ANKRD17: variants seen among roughly 807,000 people sequenced by gnomAD.
The protein encoded by ANKRD17 is ankyrin repeat domain-containing protein 17.
In ANKRD17, 19 loss-of-function variants were observed where a neutral mutation model predicts 229.7. The ratio of observed to expected loss-of-function variants is 0.08; its 90% CI spans 0.06 to 0.12. The LOEUF is 0.12. ANKRD17 is among the 10% of genes least tolerant of loss of function. The pLI is 1.00. For missense variants in ANKRD17, 2,176 were observed against 3,176.8 expected, an observed-to-expected ratio of 0.68 and a Z score of 7.57; for synonymous variants, 1,112 against 1,146.1, an observed-to-expected ratio of 0.97 and a Z score of 0.60.
At chr4:73,098,648 C>G in intron 25 of ANKRD17, 128 bp from the exon 26 acceptor site, 1 of 945,130 alleles carries the variant, frequency 1.1e-6, no homozygotes, top group Non-Finnish European at 1.6e-6. Flanking sequence ...AAGTTATTCT[C>G]ACATTCATCG....
At chr4:73,216,278 GTTTTTAAA>G (rs1741026012) in intron 1 of ANKRD17, among the ~76,000 whole-genome samples, 1 of 151,824 alleles carries the variant, frequency 6.6e-6, no homozygotes, top group Admixed American at 6.6e-5. Context: ...ATATGTAAAT[GTTTTTAAA>G]TTTTTCTTTC....
intron 11 of ANKRD17, among the ~76,000 whole-genome samples, chr4:73,143,829 C>T (rs1265755923): frequency 6.6e-6 from 1 of 152,134 alleles, no homozygotes; most frequent in African/African-American, 2.4e-5. Flanking sequence ...TAATCTTGAA[C>T]TCCTGAGCCC....
In ANKRD17 at chr4:73,078,751, T is replaced by C; in HGVS notation, c.7299A>G (p.Ala2433=). 6.2e-7 allele frequency: 1 copy of C among 1,614,174 alleles called. No individual in the cohort carries two copies. The highest frequency in any genetic ancestry group is 1.7e-5 in the Admixed American group (1 of 60,026). The change falls in exon 31 of 34, where the codon GCA becomes GCG. Residue 2433 remains alanine (A), a synonymous_variant. Coordinates refer to ENST00000358602, the MANE Select transcript of ANKRD17 (RefSeq NM_032217.5). ...CTGACGTTCCAGTTTGCCTGATACG[T>C]GCAGAACGTTCAGTCCCAATAGGGA... The part of the protein sequence containing the change: ...VPVPIGTERS[A]RIRQTGTSAP...
chr4:73,139,447 G>A, intron 15 of ANKRD17, 84 bp downstream of exon 15: 3 of 1,488,330 alleles, frequency 2.0e-6, no homozygotes, highest in Non-Finnish European at 2.7e-6. Context: ...TTCTCAAGTT[G>A]GGTAACGGCA....
chr4:73,101,940 C>CT (rs1041152450), intron 25 of ANKRD17, among the ~76,000 whole-genome samples: 5 of 151,408 alleles, frequency 3.3e-5, no homozygotes, highest in African/African-American at 7.3e-5. Context: ...TTTCTTTTCT[C>CT]TTTTTTTTGA....
At position 73,149,745 on chromosome 4, in the gene ANKRD17, G is replaced by A. The variant is rs763549456; in HGVS notation, c.1330-695C>T. Among the ~76,000 whole-genome samples, 22 of 152,040 alleles carry A rather than the reference G, an allele frequency of 1.4e-4. 1 individual carries two copies. Among genetic ancestry groups the A allele is most frequent in the South Asian group, 4.2e-4 (2 of 4,806 alleles). Reference sequence around the variant, plus strand: ...AGCCAGGCGTGGTGGTGTGCACTTCGTCCCAGCTACTCAAGAGGCTGAGGA... The same window carrying A: ...AGCCAGGCGTGGTGGTGTGCACTTCATCCCAGCTACTCAAGAGGCTGAGGA... On this transcript the variant is annotated intron_variant, in intron 7 of 33. Coordinates refer to ENST00000358602, the MANE Select transcript of ANKRD17 (RefSeq NM_032217.5).
intron 26 of ANKRD17, 135 bp from the exon 27 acceptor site, chr4:73,097,407 T>A: frequency 1.4e-6 from 1 of 715,654 alleles, no homozygotes; most frequent in Non-Finnish European, 2.2e-6. Context: ...TCACTTCTCC[T>A]CATATTTAGC....
chr4:73,159,302 GTC>G (rs912167669), intron 3 of ANKRD17, among the ~76,000 whole-genome samples: 2 of 152,042 alleles, frequency 1.3e-5, no homozygotes, highest in African/African-American at 2.4e-5. Context: ...TTTCAAAGTA[GTC>G]TCTCTCTGTC....
At chr4:73,191,385 GTA>G (rs1491166877) in intron 1 of ANKRD17, among the ~76,000 whole-genome samples, 176 of 150,194 alleles carry the variant, frequency 1.2e-3, no homozygotes, top group Admixed American at 3.1e-3. Flanking sequence ...GTGTGTGTGT[GTA>G]TCTCCAGATG....
At chr4:73,172,681 G>A (rs747273900) in intron 2 of ANKRD17, among the ~76,000 whole-genome samples, 10 of 151,890 alleles carry the variant, frequency 6.6e-5, no homozygotes, top group Non-Finnish European at 1.3e-4. Context: ...TTAAGGTGTC[G>A]AGTCATTGGT....
In ANKRD17 at chr4:73,091,694, T is replaced by C. The variant is rs1712881795; in HGVS notation, c.5934A>G (p.Ser1978=). Residue 1978 remains serine (S), a synonymous_variant, in exon 29 of 34, where the codon TCA becomes TCG. Transcript: ENST00000358602. ...SPTTTTSSSA[S]TVPGTSTNGS... ...CATTTGTAGATGTACCAGGCACCGTTGAAGCTGATGAACTGGTTGTAGTTG... is the reference window on the plus strand; with the variant it reads ...CATTTGTAGATGTACCAGGCACCGTCGAAGCTGATGAACTGGTTGTAGTTG... The C allele has an allele frequency of 6.2e-7, 1 of 1,614,064 alleles. No individual in the cohort carries two copies. Among genetic ancestry groups the C allele is most frequent in the African/African-American group, 1.3e-5 (1 of 74,924 alleles).
rs1745644390 is a variant in ANKRD17, at chr4:73,258,147, G to A, written c.393+129C>T. On this transcript the variant is annotated intron_variant, in intron 1 of 33. Coordinates refer to ENST00000358602, the MANE Select transcript of ANKRD17 (RefSeq NM_032217.5). ...CGATTTAGGCCGAGGGAAGAAAGGG[G>A]GCAGTCGAAAGCCTGGCCCCTAAGA... 3 of 1,488,504 alleles carry A rather than the reference G, an allele frequency of 2.0e-6. No individual in the cohort carries two copies. In the East Asian group the frequency reaches 6.9e-5, roughly 34 times the overall value. The allele number at this position is 1,488,504 out of a possible 1,614,324, so 92.2% of individuals were successfully genotyped here. A position where few individuals can be genotyped will look rare whatever the true frequency, so the allele number is the denominator to read the frequency against.
intron 16 of ANKRD17, among the ~76,000 whole-genome samples, chr4:73,134,468 G>A (rs1006001166): frequency 3.9e-5 from 6 of 152,014 alleles, no homozygotes; most frequent in African/African-American, 9.7e-5. Context: ...GATAAAACAC[G>A]CACTATTCTC....
chr4:73,183,509 A>C (rs970440134), intron 1 of ANKRD17, among the ~76,000 whole-genome samples: 2 of 152,030 alleles, frequency 1.3e-5, no homozygotes, highest in South Asian at 2.1e-4. Flanking sequence ...GCTGGAGTGC[A>C]GTGGCAGAAT....
In ANKRD17 at chr4:73,141,674, T is replaced by A. The variant is rs879200249; in HGVS notation, c.2332+67A>T. On this transcript the variant is annotated intron_variant, in intron 14 of 33. Transcript: ENST00000358602. ...AAACTTCTTTGTTTGTAGAAATGTC[T>A]ATTTTTTGGTAATCTTATTTTTACC... The A allele has an allele frequency of 2.8e-6, 4 of 1,431,044 alleles. No individual in the cohort carries two copies. The South Asian group carries it at 3.5e-5, about 13-fold the overall frequency. The allele number at this position is 1,431,044 out of a possible 1,614,324, so 88.6% of individuals were successfully genotyped here.
At chr4:73,257,814 C>A (rs1745593665) in intron 1 of ANKRD17, among the ~76,000 whole-genome samples, 1 of 152,100 alleles carries the variant, frequency 6.6e-6, no homozygotes, top group Non-Finnish European at 1.5e-5. Flanking sequence ...CCCCCTCAAA[C>A]TGCTCCCCTC....
intron 30 of ANKRD17, among the ~76,000 whole-genome samples, chr4:73,081,586 C>T (rs1299861276): frequency 6.6e-6 from 1 of 152,046 alleles, no homozygotes; most frequent in Non-Finnish European, 1.5e-5. Context: ...TTAAAAACAT[C>T]AGCTTATATA....
At chr4:73,080,117 C>G (rs1056612412) in intron 30 of ANKRD17, among the ~76,000 whole-genome samples, 39 of 151,968 alleles carry the variant, frequency 2.6e-4, no homozygotes, top group African/African-American at 8.9e-4. Flanking sequence ...CCCCCTCCCC[C>G]TCCCAAAAAA....
rs746461793 is a variant in ANKRD17, at chr4:73,139,759, T to A, written c.2857A>T (p.Ile953Phe). 4 of 1,614,166 alleles carry A rather than the reference T, an allele frequency of 2.5e-6. No individual in the cohort carries two copies. Among genetic ancestry groups the A allele is most frequent in the Non-Finnish European group, 3.4e-6 (4 of 1,180,016 alleles). ...GCTTGAGGCATCGCCAGAGGCTGGA[T>A]TGGCGCAAAACCCATCTGAGCAGCA... ...QTAAQMGFAP[I>F]QPLAMPQALP... is the part of the protein sequence containing the mutation. Residue 953 changes from isoleucine (I) to phenylalanine (F), a missense_variant, in exon 15 of 34, where the codon ATC (isoleucine) becomes TTC (phenylalanine). Transcript: ENST00000358602.
Sources: gnomAD v4.1 joint callset for allele counts (sites outside exome capture counted in the v4.1 genomes callset) on GRCh38, gnomAD v4.1.1 for gene constraint, MANE v1.5 for transcripts, NCBI Gene and HGNC (gene_info 2026-07-23, HGNC 2026-07-21) for gene names.